The following PRP4K variants were observed in gnomAD, a reference collection of about 807,000 sequenced individuals.
PRP4K encodes pre-mRNA processing factor kinase PRP4K, also known as serine/threonine-protein kinase PRP4 homolog.
the PRP4K span, among the ~76,000 whole-genome samples, chr6:4,051,497 A>G: frequency 2.0e-5 from 3 of 151,590 alleles, no homozygotes; most frequent in African/African-American, 7.3e-5. Flanking sequence ...TTGTATTTTT[A>G]GTAGAGACAG....
At chr6:4,049,757 T>A in the PRP4K span, 1 of 1,612,938 alleles carries the variant, frequency 6.2e-7, no homozygotes, top group Non-Finnish European at 8.5e-7. Context: ...AAGTCCTAGA[T>A]AAACGTTACA....
chr6:4,039,986 C>T, the PRP4K span, among the ~76,000 whole-genome samples: 1 of 151,834 alleles, frequency 6.6e-6, no homozygotes, highest in Non-Finnish European at 1.5e-5. Flanking sequence ...CAGCCTCAAC[C>T]TCCTGGGCTC....
chr6:4,060,425 G>A, the PRP4K span: 12 of 1,613,660 alleles, frequency 7.4e-6, no homozygotes, highest in Non-Finnish European at 8.5e-6. This position sits in a 1 kb window ranked among gnomAD's most constrained non-coding sequence, Gnocchi z 4.7. Flanking sequence ...GAAAGTTACT[G>A]TTATGAGCAC....
chr6:4,028,311 A>G, the PRP4K span, among the ~76,000 whole-genome samples: 1 of 151,914 alleles, frequency 6.6e-6, no homozygotes, highest in South Asian at 2.1e-4. Context: ...CCTGGGTTCA[A>G]GTGATCCTAC....
the PRP4K span, chr6:4,031,836 G>A: frequency 6.2e-7 from 1 of 1,614,100 alleles, no homozygotes; most frequent in Non-Finnish European, 8.5e-7. Context: ...AGCTTTGCTA[G>A]AAGACTTGGA....
the PRP4K span, among the ~76,000 whole-genome samples, chr6:4,046,660 CTTTT>C: frequency 2.1e-5 from 3 of 141,882 alleles, no homozygotes; most frequent in Admixed American, 7.1e-5. Context: ...GGTCTTTCAA[CTTTT>C]TTTTTTTTTT....
the PRP4K span, chr6:4,044,229 G>A: frequency 3.6e-6 from 2 of 551,512 alleles, no homozygotes; most frequent in Non-Finnish European, 6.4e-6. Context: ...ATCCTGAATA[G>A]TATACTGAAC....
At chr6:4,048,371 T>C in the PRP4K span, among the ~76,000 whole-genome samples, 19 of 99,950 alleles carry the variant, frequency 1.9e-4, no homozygotes, top group Admixed American at 1.4e-3. Flanking sequence ...AAAGCAAGAC[T>C]CCGTCTCAAA....
the PRP4K span, chr6:4,052,941 T>C: frequency 7.3e-7 from 1 of 1,368,584 alleles, no homozygotes; most frequent in African/African-American, 1.5e-5. Context: ...AGCAGTAATA[T>C]TATTACTATG....
At chr6:4,061,599 G>A in the PRP4K span, 1 of 152,560 alleles carries the variant, frequency 6.6e-6, no homozygotes, top group Non-Finnish European at 1.5e-5. Context: ...TGGTAAAAGT[G>A]TTTTTCATTT....
At chr6:4,038,958 A>G in the PRP4K span, among the ~76,000 whole-genome samples, 2 of 142,578 alleles carry the variant, frequency 1.4e-5, no homozygotes, top group South Asian at 2.2e-4. Context: ...GTTTTTTCCA[A>G]TTGGACCTTC....
the PRP4K span, among the ~76,000 whole-genome samples, chr6:4,054,995 A>G: frequency 6.6e-6 from 1 of 152,214 alleles, no homozygotes; most frequent in Non-Finnish European, 1.5e-5. Context: ...CATTTAAGAA[A>G]TGTTTTCCCG....
At chr6:4,050,018 GTTTT>G in the PRP4K span, 8 of 17,984 alleles carry the variant, frequency 4.4e-4, no homozygotes, top group South Asian at 3.1e-3. Context: ...GGAAACAGTT[GTTTT>G]TTTTTTTTTT....
the PRP4K span, chr6:4,064,241 C>A: frequency 1.3e-5 from 2 of 152,456 alleles, no homozygotes; most frequent in South Asian, 4.1e-4. Context: ...TTATTCCTAA[C>A]AAAAATAAGT....
the PRP4K span, among the ~76,000 whole-genome samples, chr6:4,026,813 A>G: frequency 5.3e-5 from 8 of 152,212 alleles, no homozygotes; most frequent in African/African-American, 1.9e-4. Flanking sequence ...GAAGGAGAAT[A>G]TGTGTGCAGT....
the PRP4K span, chr6:4,032,898 A>T: frequency 1.0e-6 from 1 of 984,360 alleles, no homozygotes; most frequent in Non-Finnish European, 1.3e-6. Flanking sequence ...AATTTTAAGT[A>T]ACCCAATCCA....
chr6:4,061,466 G>C, the PRP4K span: 1 of 152,576 alleles, frequency 6.6e-6, no homozygotes, highest in Non-Finnish European at 1.5e-5. Flanking sequence ...GAAACGATGC[G>C]TAGTTTTCAT....
At chr6:4,052,583 A>G in the PRP4K span, 1 of 632,448 alleles carries the variant, frequency 1.6e-6, no homozygotes, top group Non-Finnish European at 2.6e-6. Flanking sequence ...TGATTTATCA[A>G]ATGTGGGGGT....
the PRP4K span, among the ~76,000 whole-genome samples, chr6:4,027,605 G>C: frequency 1.8e-5 from 2 of 108,188 alleles, no homozygotes; most frequent in South Asian, 3.8e-4. Flanking sequence ...AGGGGTGGGG[G>C]GGTGGGGTGG....
Sources: gnomAD v4.1 joint callset for allele counts (sites outside exome capture counted in the v4.1 genomes callset) on GRCh38, gnomAD v4.1.1 for gene constraint, Gnocchi (gnomAD v3.1) non-coding constraint, MANE v1.5 for transcripts, NCBI Gene and HGNC (gene_info 2026-07-23, HGNC 2026-07-21) for gene names.